Variants in LONP1 observed in about 807,000 individuals in gnomAD.
LONP1 encodes lon protease homolog, mitochondrial.
In LONP1, 31 loss-of-function variants were observed where a neutral mutation model predicts 98.5. That is an observed-to-expected ratio of 0.31 (90% CI 0.24 to 0.42). The LOEUF (loss-of-function observed/expected upper bound fraction) is 0.42. LONP1 is among the 20% of genes least tolerant of loss of function. LONP1 has a pLI of 1.00. For missense variants in LONP1, 1,336 were observed against 1,350.6 expected (o/e 0.99, Z 0.17); for synonymous variants, 781 against 594.7 (o/e 1.31, Z -4.56).
intron 10 of LONP1, among the ~76,000 whole-genome samples, chr19:5,697,997 A>G: frequency 2.6e-5 from 1 of 37,928 alleles, no homozygotes; most frequent in East Asian, 1.0e-3. Context: ...CTCCACCTTC[A>G]CCCAGCTGCT....
intron 7 of LONP1, 91 bp from the exon 8 acceptor site, chr19:5,706,083 C>A: frequency 1.2e-6 from 1 of 813,018 alleles, no homozygotes; most frequent in Non-Finnish European, 2.0e-6. Context: ...TCTGCTCCCC[C>A]AGGACTCAGA....
At chr19:5,692,233 C>T (rs1442429602) in intron 17 of LONP1, 25 bp from the exon 18 acceptor site, 3 of 1,587,356 alleles carry the variant, frequency 1.9e-6, no homozygotes, top group Non-Finnish European at 2.6e-6. Context: ...AGGGTCAGCC[C>T]TGCCTGGGCC....
At position 5,696,095 on chromosome 19, in the gene LONP1, C is replaced by A. The variant is rs200204116; in HGVS notation, c.1972G>T (p.Val658Leu). 1.1e-5 allele frequency: 18 copies of A among 1,613,068 alleles called. No homozygotes were observed. The highest frequency in any genetic ancestry group is 1.4e-5 in the Non-Finnish European group (16 of 1,179,904). ...TTCTCCTGGGCCACGTAGCCCGACA[C>A]GTTGATCATCTCCATACGGTCTCGC... ...PLRDRMEMIN[V>L]SGYVAQEKLA... The change falls in exon 13 of 18, where the codon GTG becomes TTG. Residue 658 changes from valine to leucine, a missense_variant. By Grantham distance (32) the Val-to-Leu change is conservative. Transcript: ENST00000360614.
At chr19:5,706,703 T>C (rs970710438) in intron 7 of LONP1, among the ~76,000 whole-genome samples, 2 of 152,166 alleles carry the variant, frequency 1.3e-5, no homozygotes, top group Non-Finnish European at 2.9e-5. Context: ...CCTCAATGGC[T>C]GGGTCTTAAG....
intron 7 of LONP1, among the ~76,000 whole-genome samples, chr19:5,706,585 T>C (rs1378077097): frequency 6.6e-6 from 1 of 152,052 alleles, no homozygotes; most frequent in Non-Finnish European, 1.5e-5. Flanking sequence ...CCAGCCTAGG[T>C]GGCCGACTGA....
At chr19:5,696,899 C>T in intron 10 of LONP1, 142 bp from the exon 11 acceptor site, 1 of 616,474 alleles carries the variant, frequency 1.6e-6, no homozygotes, top group Non-Finnish European at 2.8e-6. Flanking sequence ...GAAATGCTGG[C>T]AGCCGCCGGA....
At chr19:5,699,331 G>A (rs545853872) in intron 9 of LONP1, 126 bp from the exon 10 acceptor site, 15 of 712,010 alleles carry the variant, frequency 2.1e-5, no homozygotes, top group Admixed American at 7.6e-5. Context: ...AGGATTGTCC[G>A]GGAGGCTGAG....
In LONP1 at chr19:5,696,698, G is replaced by A. The variant is rs140317309; in HGVS notation, c.1745C>T (p.Thr582Met). The A allele has an allele frequency of 6.9e-5, 112 of 1,613,646 alleles. No homozygotes were observed. The highest frequency in any genetic ancestry group is 4.8e-4 in the African/African-American group (36 of 75,046). Residue 582 changes from threonine to methionine, a missense_variant, in exon 11 of 18, where the codon ACG becomes ATG. Around this residue, in one of 5 missense-constraint regions of LONP1, gnomAD observed 555 missense variants for 542.6 expected, o/e 1.02. Coordinates refer to ENST00000360614, the MANE Select transcript of LONP1 (RefSeq NM_004793.4). ...GTCGATGAGGATCAGGGGGTTCTCC[G>A]TCTTGGTCTTCTTCAAACACTGGAT... The part of the protein sequence containing the change: ...KIIQCLKKTK[T>M]ENPLILIDEV...
At chr19:5,714,563 C>T (rs2055284940) in intron 1 of LONP1, among the ~76,000 whole-genome samples, 2 of 151,660 alleles carry the variant, frequency 1.3e-5, no homozygotes, top group Non-Finnish European at 2.9e-5. Flanking sequence ...CCTCAGCCTC[C>T]CAAAATGCCG....
chr19:5,693,868 T>G (rs1238759037), intron 15 of LONP1, 99 bp from the exon 16 acceptor site: 44 of 999,726 alleles, frequency 4.4e-5, no homozygotes, highest in Non-Finnish European at 6.3e-5. Flanking sequence ...TGCCCCAGTT[T>G]AGCATCTTGG....
chr19:5,699,791 CT>C (rs1482600315), intron 9 of LONP1, among the ~76,000 whole-genome samples: 1 of 151,972 alleles, frequency 6.6e-6, no homozygotes, highest in African/African-American at 2.4e-5. Context: ...AACTCCTGAC[CT>C]TGTGATCCAC....
chr19:5,692,339 C>A, intron 17 of LONP1, 131 bp from the exon 18 acceptor site: 1 of 826,530 alleles, frequency 1.2e-6, no homozygotes, highest in Non-Finnish European at 1.8e-6. Flanking sequence ...CAGTAAGTCC[C>A]AAAACCCACC....
Position 5,708,434 on chromosome 19 carries a change from C to A in LONP1, c.871-31G>T, listed in dbSNP as rs184778290. 2.9e-4 allele frequency: 460 copies of A among 1,579,320 alleles called. 2 individuals are homozygous for A. The African/African-American group carries it at 5.7e-3, about 19-fold the overall frequency. ...AAGTATGGGGCAGGGTCGCTGGGGC[C>A]CAGCAGTGCTCCAGCAGGGGGTGGG... On this transcript the variant is annotated intron_variant, in intron 4 of 17. Transcript: ENST00000360614.
At chr19:5,706,690 G>C (rs1023804242) in intron 7 of LONP1, among the ~76,000 whole-genome samples, 1 of 152,156 alleles carries the variant, frequency 6.6e-6, no homozygotes, top group Non-Finnish European at 1.5e-5. Flanking sequence ...TCATGACAGC[G>C]AGCCTCAATG....
chr19:5,696,470 G>A (rs2054931086), intron 11 of LONP1, 99 bp from the exon 12 acceptor site: 10 of 1,494,744 alleles, frequency 6.7e-6, no homozygotes, highest in Non-Finnish European at 9.1e-6. Context: ...CCCCGAGTGA[G>A]AGCGGCACCC....
At chr19:5,720,372 A>C (rs72979079), upstream of LONP1, 5 of 627,698 alleles carry the variant, frequency 8.0e-6, no homozygotes, top group African/African-American at 1.9e-5. Flanking sequence ...GGCTGTGAGC[A>C]GGCGCCAGCG....
chr19:5,703,075 G>A (rs2055084803), intron 8 of LONP1, among the ~76,000 whole-genome samples: 2 of 151,860 alleles, frequency 1.3e-5, no homozygotes, highest in Non-Finnish European at 2.9e-5. Flanking sequence ...CAGCTACTCG[G>A]GAGGCTGAGG....
rs1217194939 is a variant in LONP1 at position 5,694,509 on chromosome 19, T to C, written c.2198A>G (p.Glu733Gly). 3.1e-6 allele frequency: 5 copies of C among 1,612,886 alleles called. No individual in the cohort carries two copies. The highest frequency in any genetic ancestry group is 4.2e-6 in the Non-Finnish European group (5 of 1,179,958). Residue 733 changes from glutamate to glycine, a missense_variant, in exon 15 of 18, where the codon GAG (glutamate) becomes GGG (glycine). Around this residue, in one of 5 missense-constraint regions of LONP1, gnomAD observed 555 missense variants for 542.6 expected, o/e 1.02. Coordinates refer to ENST00000360614, the MANE Select transcript of LONP1 (RefSeq NM_004793.4). ...SAYKIVSGEA[E>G]SVEVTPENLQ... ...GTTCTCGGGCGTCACCTCCACGGAC[T>C]CGGCCTCGCCGCTGACAATCTTGTA...
At chr19:5,720,297 G>T, upstream of LONP1, 1 of 1,019,222 alleles carries the variant, frequency 9.8e-7, no homozygotes, top group Non-Finnish European at 1.3e-6. Context: ...TTCGAGCATC[G>T]GATCGTCTCC....
Sources: gnomAD v4.1 joint callset for allele counts (sites outside exome capture counted in the v4.1 genomes callset) on GRCh38, gnomAD v4.1.1 for gene constraint, gnomAD v4.1.1 regional missense constraint, MANE v1.5 for transcripts, NCBI Gene and HGNC (gene_info 2026-07-23, HGNC 2026-07-21) for gene names.